The following SNX2 variants were observed in gnomAD, a reference collection of about 807,000 sequenced individuals.
The protein encoded by SNX2 is sorting nexin-2.
SNX2 carries 25 observed loss-of-function variants against 69.9 expected under a neutral mutation model. That is an observed-to-expected ratio of 0.36 (90% CI 0.26 to 0.50). The LOEUF (loss-of-function observed/expected upper bound fraction) is 0.50. Ranked by LOEUF, SNX2 falls within the 20% of genes least tolerant of loss-of-function variation. The pLI, the probability that SNX2 is intolerant of heterozygous loss-of-function variation, is 0.97. For synonymous variants in SNX2, 229 were observed against 200.4 expected (o/e 1.14, Z -1.20); for missense variants, 551 against 613.3 (o/e 0.90, Z 1.07).
At chr5:122,794,553 C>T (rs1220792349) in intron 1 of SNX2, among the ~76,000 whole-genome samples, 1 of 152,020 alleles carries the variant, frequency 6.6e-6, no homozygotes, top group African/African-American at 2.4e-5. Flanking sequence ...TCTGCCCCCA[C>T]CAGGAAAAAC....
rs892082217 is a variant in SNX2 at position 122,828,895 on chromosome 5, G to A, written c.1510-703G>A. Among the ~76,000 whole-genome samples, 3 of 152,112 alleles carry A rather than the reference G, an allele frequency of 2.0e-5. No individual in the cohort carries two copies. The South Asian group carries it at 6.2e-4, about 31-fold the overall frequency. ...GCACATTGGGAGGCCGAGGCGGGTG[G>A]ATCACCTGAGGTCAGGAGTTTAAGA... On this transcript the variant is annotated intron_variant, in intron 14 of 14. Transcript: ENST00000379516.
chr5:122,796,098 G>A (rs922336018), intron 2 of SNX2, among the ~76,000 whole-genome samples: 1 of 152,076 alleles, frequency 6.6e-6, no homozygotes, highest in Admixed American at 6.5e-5. Flanking sequence ...ATTCTTTTGT[G>A]GCTCATAAGC....
Position 122,826,213 on chromosome 5 carries a change from AT to A in SNX2, c.1356+21del. 1 of 1,595,624 alleles carries A rather than the reference AT, an allele frequency of 6.3e-7. No homozygotes were observed. Among genetic ancestry groups the A allele is most frequent in the African/African-American group, 1.3e-5 (1 of 74,584 alleles). ...AGAGAGGTGATTACTAAATGCTTTA[AT>A]CTCTTTACTTAAGTTTTGCATGAGT... On this transcript the variant is annotated intron_variant, in intron 12 of 14. Coordinates refer to ENST00000379516, the MANE Select transcript of SNX2 (RefSeq NM_003100.4).
chr5:122,785,803 A>G (rs1052220604), intron 1 of SNX2, among the ~76,000 whole-genome samples: 8 of 152,100 alleles, frequency 5.3e-5, no homozygotes, highest in Non-Finnish European at 7.4e-5. Context: ...AACATGTTCT[A>G]TTATGCTAAG....
chr5:122,797,054 AG>A (rs1753397591), intron 2 of SNX2, among the ~76,000 whole-genome samples: 2 of 152,324 alleles, frequency 1.3e-5, no homozygotes, highest in African/African-American at 2.4e-5. Context: ...TTGCTTCTCA[AG>A]TAGCTAAGAC....
intron 1 of SNX2, among the ~76,000 whole-genome samples, chr5:122,781,637 AATGAC>A (rs1752982400): frequency 6.6e-6 from 1 of 152,190 alleles, no homozygotes; most frequent in Admixed American, 6.5e-5. Flanking sequence ...AATGACTAAG[AATGAC>A]AGTTTTTCCA....
At chr5:122,823,741 A>T in intron 11 of SNX2, among the ~76,000 whole-genome samples, 1 of 139,590 alleles carries the variant, frequency 7.2e-6, no homozygotes, top group Non-Finnish European at 1.6e-5. Context: ...TGTGTGTCGG[A>T]AGTGAGAGGG....
At chr5:122,795,419 A>G (rs1311376616) in intron 2 of SNX2, 36 bp downstream of exon 2, 9 of 1,308,738 alleles carry the variant, frequency 6.9e-6, no homozygotes, top group South Asian at 1.2e-5. Context: ...ATAATGGTCA[A>G]TTGCAGTATA....
chr5:122,808,524 A>T (rs541653853), intron 7 of SNX2, 169 bp downstream of exon 7: 210 of 523,184 alleles, frequency 4.0e-4, no homozygotes, highest in Non-Finnish European at 5.6e-4. Flanking sequence ...TCTTTCAACA[A>T]AGTACTGTAT....
At chr5:122,791,762 GTTAA>G (rs1239306923) in intron 1 of SNX2, among the ~76,000 whole-genome samples, 5 of 152,184 alleles carry the variant, frequency 3.3e-5, no homozygotes, top group African/African-American at 1.2e-4. Context: ...CAAACTTGTG[GTTAA>G]TTCTTTGACA....
chr5:122,818,619 T>C (rs1002447834), intron 10 of SNX2, among the ~76,000 whole-genome samples, 199 bp from the exon 11 acceptor site: 3 of 152,234 alleles, frequency 2.0e-5, no homozygotes, highest in African/African-American at 7.2e-5. Context: ...GATTTGTCTG[T>C]GTTTTCAGTA....
chr5:122,816,828 G>T, intron 8 of SNX2, 87 bp from the exon 9 acceptor site: 1 of 591,934 alleles, frequency 1.7e-6, no homozygotes, highest in Admixed American at 3.3e-5. Flanking sequence ...GGGGGGGAGG[G>T]GGGAGGAGGG....
intron 1 of SNX2, among the ~76,000 whole-genome samples, chr5:122,793,440 G>C (rs1753290135): frequency 6.6e-6 from 1 of 152,176 alleles, no homozygotes; most frequent in Non-Finnish European, 1.5e-5. Context: ...ACTGGTAGAA[G>C]CCCGCATGGT....
chr5:122,809,287 T>C (rs531870953), intron 7 of SNX2, among the ~76,000 whole-genome samples: 22 of 152,166 alleles, frequency 1.4e-4, no homozygotes, highest in Non-Finnish European at 2.9e-4. Flanking sequence ...TTGGTATCCA[T>C]AGGATGTCCT....
rs1001652852 is a variant in SNX2 at position 122,831,139 on chromosome 5, G to GT, written c.*1492dup. ...ATCCCTTCCATAGGAACAAGATATG[G>GT]TATGTGTAACTAAGTCATCTCTAGT... is the stretch of plus-strand genomic sequence containing the variant. On this transcript the variant is annotated 3_prime_UTR_variant, in exon 15 of 15. Coordinates refer to ENST00000379516, the MANE Select transcript of SNX2 (RefSeq NM_003100.4). Among the ~76,000 whole-genome samples the GT allele has an allele frequency of 1.3e-5, 2 of 151,874 alleles. No homozygotes were observed. The highest frequency in any genetic ancestry group is 1.5e-5 in the Non-Finnish European group (1 of 68,010).
In SNX2 at chr5:122,834,366, G is replaced by A. The variant is rs1193738711; in HGVS notation, c.*4718G>A. 1 of 151,908 alleles carries A rather than the reference G, an allele frequency of 6.6e-6. No homozygotes were observed. Among genetic ancestry groups the A allele is most frequent in the Non-Finnish European group, 1.5e-5 (1 of 67,984 alleles). The allele number at this position is 151,908 out of a possible 1,614,324, so 9.4% of individuals were successfully genotyped here. A position where few individuals can be genotyped will look rare whatever the true frequency, so the allele number is the denominator to read the frequency against. On this transcript the variant is annotated 3_prime_UTR_variant, in exon 15 of 15. Transcript: ENST00000379516. The stretch of plus-strand genomic sequence containing the variant: ...AATAATTTTAAGTATTTCTTAACTG[G>A]GCAAAATGGAAACTTTGTAACTGAA...
intron 1 of SNX2, among the ~76,000 whole-genome samples, chr5:122,792,456 G>A (rs1000194016): frequency 6.6e-6 from 1 of 152,152 alleles, no homozygotes; most frequent in Non-Finnish European, 1.5e-5. Flanking sequence ...AATTAGCTGG[G>A]TGTGGTGGCG....
chr5:122,785,014 C>G (rs1038837273), intron 1 of SNX2, among the ~76,000 whole-genome samples: 3 of 152,146 alleles, frequency 2.0e-5, no homozygotes, highest in African/African-American at 7.2e-5. Flanking sequence ...TTTTGTAGTA[C>G]TTATCATCCT....
In SNX2 at chr5:122,794,982, C is replaced by T. The variant is rs183700908; in HGVS notation, c.109-284C>T. ...AGGCTGCAGTGAACCAAGCTCACAT[C>T]GCTACACTCCAGCCTGGGCCATAGA... is the stretch of plus-strand genomic sequence containing the variant. On this transcript the variant is annotated intron_variant, in intron 1 of 14. Coordinates refer to ENST00000379516, the MANE Select transcript of SNX2 (RefSeq NM_003100.4). Among the ~76,000 whole-genome samples the T allele has an allele frequency of 6.6e-4, 101 of 152,128 alleles. 1 individual carries two copies. In the South Asian group the frequency reaches 0.016, roughly 24 times the overall value.
Sources: gnomAD v4.1 joint callset for allele counts (sites outside exome capture counted in the v4.1 genomes callset) on GRCh38, gnomAD v4.1.1 for gene constraint, MANE v1.5 for transcripts, NCBI Gene and HGNC (gene_info 2026-07-23, HGNC 2026-07-21) for gene names.